The following TP53BP2 variants were observed in gnomAD, a reference collection of about 807,000 sequenced individuals.
The protein encoded by TP53BP2 is apoptosis-stimulating of p53 protein 2.
A neutral mutation model predicts 126.2 loss-of-function variants in TP53BP2; 62 were observed. The observed-to-expected ratio is 0.49, with a 90% CI of 0.40 to 0.61. The LOEUF (loss-of-function observed/expected upper bound fraction) is 0.61, where lower values mean the gene tolerates loss of function less well. TP53BP2 is among the 20% of genes least tolerant of loss of function. TP53BP2 has a pLI of 0.00. For synonymous variants in TP53BP2, 485 were observed against 502.9 expected, an observed-to-expected ratio of 0.96 and a Z score of 0.48; for missense variants, 1,215 against 1,402.8, an observed-to-expected ratio of 0.87 and a Z score of 2.14.
chr1:223,790,026 C>T (rs1422558789), intron 15 of TP53BP2, among the ~76,000 whole-genome samples: 1 of 150,626 alleles, frequency 6.6e-6, no homozygotes, highest in Non-Finnish European at 1.5e-5. Flanking sequence ...GCTCCCAGCA[C>T]TTTGGGAGGC....
At chr1:223,792,344 A>C (rs1180245325) in intron 15 of TP53BP2, 45 bp downstream of exon 15, 1 of 1,563,606 alleles carries the variant, frequency 6.4e-7, no homozygotes, top group East Asian at 2.4e-5. Flanking sequence ...TTATAAACCG[A>C]TTCCCACAAC....
intron 4 of TP53BP2, 90 bp downstream of exon 4, chr1:223,810,341 T>C (rs896354110): frequency 6.3e-6 from 6 of 958,108 alleles, no homozygotes; most frequent in Non-Finnish European, 9.0e-6. Context: ...CCTTAGCCCA[T>C]TGAATAACAA....
chr1:223,798,062 C>T lies in TP53BP2; in HGVS notation c.1948+153G>A, dbSNP rs570541994. On this transcript the variant is annotated intron_variant, in intron 12 of 17. Coordinates refer to ENST00000343537, the MANE Select transcript of TP53BP2 (RefSeq NM_001031685.3). Reference sequence around the variant, plus strand: ...TGTAGGAGCAGACATTTAGCAAGCACTCTTTTAAACTCCCAGTAAAGAACA... The same window carrying T: ...TGTAGGAGCAGACATTTAGCAAGCATTCTTTTAAACTCCCAGTAAAGAACA... Among the ~76,000 whole-genome samples, 3 of 152,262 alleles carry T rather than the reference C, an allele frequency of 2.0e-5. No individual in the cohort carries two copies. The East Asian group carries it at 5.8e-4, about 29-fold the overall frequency.
intron 1 of TP53BP2, among the ~76,000 whole-genome samples, chr1:223,828,238 GTT>G: frequency 6.7e-6 from 1 of 150,230 alleles, no homozygotes; most frequent in East Asian, 1.9e-4. Flanking sequence ...AGTTACACAT[GTT>G]TTGTTATAAA....
Position 223,814,325 on chromosome 1 carries a change from C to G in TP53BP2, c.204G>C (p.Met68Ile). 1.2e-6 allele frequency: 2 copies of G among 1,613,734 alleles called. No homozygotes were observed. Among genetic ancestry groups the G allele is most frequent in the African/African-American group, 1.3e-5 (1 of 75,066 alleles). Residue 68 changes from methionine to isoleucine, a missense_variant, in exon 3 of 18, where the codon ATG (methionine) becomes ATC (isoleucine). Physicochemically the swap from Met to Ile is conservative, Grantham distance 10 (BLOSUM62 1). Coordinates refer to ENST00000343537, the MANE Select transcript of TP53BP2 (RefSeq NM_001031685.3). The stretch of plus-strand genomic sequence containing the variant: ...TTCCAAATCGTTGAAGAACATCAAA[C>G]ATTCGCTCATTATCCGCAACTGGAC... Reference protein sequence around the residue: ...SERPVADNERMFDVLQRFGSQ... With the variant: ...SERPVADNERIFDVLQRFGSQ...
intron 1 of TP53BP2, among the ~76,000 whole-genome samples, chr1:223,844,274 T>C (rs1358332295): frequency 6.6e-6 from 1 of 152,192 alleles, no homozygotes; most frequent in Non-Finnish European, 1.5e-5. Flanking sequence ...TTTTATGAAT[T>C]CGGCTACACA....
chr1:223,814,269 C>T lies in TP53BP2; in HGVS notation c.260G>A (p.Arg87His), dbSNP rs776842497. The T allele has an allele frequency of 1.9e-5, 31 of 1,613,692 alleles. No homozygotes were observed. The highest frequency in any genetic ancestry group is 5.5e-5 in the South Asian group (5 of 91,088). ...SQRNEVRFFL[R>H]HERPPGRDIV... ...GTCCCTGCCAGGGGGGCGTTCATGA[C>T]GAAGGAAGAAGCGAACTTCGTTCCT... The change falls in exon 3 of 18, where the codon CGT (arginine) becomes CAT (histidine). Residue 87 changes from arginine (R) to histidine (H), a missense_variant. Arg to His is a conservative substitution (Grantham distance 29). Transcript: ENST00000343537.
At chr1:223,783,147 C>G (rs1157166936) in intron 17 of TP53BP2, among the ~76,000 whole-genome samples, 1 of 152,208 alleles carries the variant, frequency 6.6e-6, no homozygotes, top group Non-Finnish European at 1.5e-5. Flanking sequence ...GAGGCCATGT[C>G]CATCCGACAC....
chr1:223,831,512 T>TATATATATATAG (rs1663730469), intron 1 of TP53BP2, among the ~76,000 whole-genome samples: 1 of 127,984 alleles, frequency 7.8e-6, no homozygotes, highest in Non-Finnish European at 1.6e-5. Flanking sequence ...TATATATATA[T>TATATATATATAG]ATATACTGAC....
At chr1:223,814,090 T>C (rs959871332) in intron 3 of TP53BP2, 150 bp downstream of exon 3, 1 of 592,402 alleles carries the variant, frequency 1.7e-6, no homozygotes, top group Admixed American at 3.0e-5. Flanking sequence ...TAGTCAAACT[T>C]CTCCCCTCGA....
chr1:223,800,574 G>A, intron 10 of TP53BP2, 126 bp downstream of exon 10: 1 of 655,004 alleles, frequency 1.5e-6, no homozygotes, highest in East Asian at 3.2e-5. Flanking sequence ...ACAAGAGTGA[G>A]ATCCTGTCTT....
At chr1:223,806,975 A>C in intron 4 of TP53BP2, 28 bp from the exon 5 acceptor site, 3 of 1,534,220 alleles carry the variant, frequency 2.0e-6, no homozygotes, top group Non-Finnish European at 2.7e-6. Flanking sequence ...AATAAACACA[A>C]TCCCAGCTTA....
chr1:223,799,917 A>G lies in TP53BP2; in HGVS notation c.1467T>C (p.Asp489=), dbSNP rs754767605. Reference sequence around the variant, plus strand: ...TAGGTACCTGAGCATCCCGCAAGATATCTTCACTGCTCTGGTTCTTCCTCA... The same window carrying G: ...TAGGTACCTGAGCATCCCGCAAGATGTCTTCACTGCTCTGGTTCTTCCTCA... ...GTLRKNQSSE[D]ILRDAQVANK... The change falls in exon 11 of 18, where the codon GAT becomes GAC. Residue 489 remains aspartate, a synonymous_variant. Transcript: ENST00000343537. The G allele has an allele frequency of 4.4e-6, 7 of 1,596,708 alleles. No individual in the cohort carries two copies. The highest frequency in any genetic ancestry group is 1.4e-5 in the African/African-American group (1 of 73,866).
At chr1:223,790,530 C>G (rs765780650) in intron 15 of TP53BP2, among the ~76,000 whole-genome samples, 1 of 151,704 alleles carries the variant, frequency 6.6e-6, no homozygotes, top group Non-Finnish European at 1.5e-5. Context: ...GCACTCCGGC[C>G]TGGGTGACAG....
At chr1:223,831,480 A>AAAAAATATAT (rs1287271743) in intron 1 of TP53BP2, among the ~76,000 whole-genome samples, 3 of 32,462 alleles carry the variant, frequency 9.2e-5, no homozygotes, top group Admixed American at 4.9e-4. Context: ...AAAAAAAAAA[A>AAAAAATATAT]ATATATATAT....
At chr1:223,810,539 C>T (rs1377884986) in intron 3 of TP53BP2, 26 bp from the exon 4 acceptor site, 2 of 1,471,748 alleles carry the variant, frequency 1.4e-6, no homozygotes, top group East Asian at 2.3e-5. Flanking sequence ...AAAAACTATG[C>T]ATTAACACTA....
chr1:223,800,843 A>G, intron 9 of TP53BP2, 33 bp from the exon 10 acceptor site: 1 of 1,457,284 alleles, frequency 6.9e-7, no homozygotes. Context: ...CAAATAACTC[A>G]GCATTCTAAA....
chr1:223,838,004 C>G (rs1487473586), intron 1 of TP53BP2, among the ~76,000 whole-genome samples: 1 of 151,830 alleles, frequency 6.6e-6, no homozygotes, highest in African/African-American at 2.4e-5. Flanking sequence ...ATCGTGCCCA[C>G]TTGAAATGCT....
chr1:223,803,000 T>C (rs1662582643), intron 7 of TP53BP2, 105 bp from the exon 8 acceptor site: 13 of 1,230,890 alleles, frequency 1.1e-5, no homozygotes, highest in Non-Finnish European at 1.5e-5. Flanking sequence ...AAATATGAGG[T>C]CCCTCCACCC....
Sources: allele counts gnomAD v4.1 joint callset (sites outside exome capture counted in the v4.1 genomes callset), GRCh38; gene constraint gnomAD v4.1.1; transcripts MANE v1.5; gene names NCBI Gene and HGNC (gene_info 2026-07-23, HGNC 2026-07-21).